Variants in ALK observed in about 807,000 individuals in gnomAD.
ALK encodes ALK receptor tyrosine kinase.
Under a neutral mutation model 163.1 loss-of-function variants are expected in ALK, and 74 were observed. The ratio of observed to expected loss-of-function variants is 0.45; its 90% CI spans 0.38 to 0.55. The LOEUF (loss-of-function observed/expected upper bound fraction) is 0.55, where lower values mean the gene tolerates loss of function less well. ALK is among the 20% of genes least tolerant of loss of function. The pLI is 0.00. For synonymous variants in ALK, 960 were observed against 843.2 expected, an observed-to-expected ratio of 1.14 and a Z score of -2.40; for missense variants, 2,063 against 2,105.3, an observed-to-expected ratio of 0.98 and a Z score of 0.39.
chr2:29,909,058 C>A (rs1444872302), intron 1 of ALK, among the ~76,000 whole-genome samples: 1 of 152,144 alleles, frequency 6.6e-6, no homozygotes, highest in Non-Finnish European at 1.5e-5. Context: ...TGCGCACCTC[C>A]CATGGAGATC....
At chr2:29,675,762 A>G (rs912283858) in intron 3 of ALK, among the ~76,000 whole-genome samples, 17 of 152,076 alleles carry the variant, frequency 1.1e-4, no homozygotes, top group African/African-American at 4.1e-4. Context: ...GCTGCTGTTC[A>G]TTGATTATTT....
chr2:29,328,306 C>T, intron 6 of ALK, 44 bp downstream of exon 6: 2 of 1,613,792 alleles, frequency 1.2e-6, no homozygotes, highest in Non-Finnish European at 1.7e-6. Context: ...GGGTTATGAG[C>T]ATGGGCTGGG....
chr2:29,292,759 T>C (rs574163707), intron 9 of ALK, among the ~76,000 whole-genome samples: 1 of 152,226 alleles, frequency 6.6e-6, no homozygotes, highest in Non-Finnish European at 1.5e-5. Flanking sequence ...GTTAACATAA[T>C]TCTGTAATGA....
chr2:29,289,501 GC>G (rs1331101810), intron 9 of ALK, among the ~76,000 whole-genome samples: 1 of 152,178 alleles, frequency 6.6e-6, no homozygotes, highest in Non-Finnish European at 1.5e-5. Flanking sequence ...AATGTCCCCA[GC>G]CCCTGTAGCT....
At chr2:29,918,250 A>G (rs976200923) in intron 1 of ALK, among the ~76,000 whole-genome samples, 3 of 152,206 alleles carry the variant, frequency 2.0e-5, no homozygotes, top group African/African-American at 7.2e-5. Context: ...GCTGGATTCT[A>G]TGGTCATTTG....
chr2:29,308,362 C>T (rs1479442671), intron 8 of ALK, among the ~76,000 whole-genome samples: 2 of 28,820 alleles, frequency 6.9e-5, no homozygotes, highest in East Asian at 6.5e-4. Flanking sequence ...TACTTTCCTG[C>T]ATTTTTCCTA....
At chr2:29,199,352 T>G (rs1669103224) in intron 26 of ALK, among the ~76,000 whole-genome samples, 1 of 152,232 alleles carries the variant, frequency 6.6e-6, no homozygotes, top group Non-Finnish European at 1.5e-5. Flanking sequence ...TCCTTTATTT[T>G]ATAGTTATAC....
At chr2:29,228,756 G>C (rs962830589) in intron 16 of ALK, 128 bp downstream of exon 16, 2 of 696,002 alleles carry the variant, frequency 2.9e-6, no homozygotes, top group Non-Finnish European at 5.3e-6. Flanking sequence ...TCGAGAGGGA[G>C]GCGTGCAGTC....
At chr2:29,430,935 C>T (rs1670257570) in intron 4 of ALK, among the ~76,000 whole-genome samples, 1 of 151,758 alleles carries the variant, frequency 6.6e-6, no homozygotes, top group Admixed American at 6.6e-5. Flanking sequence ...TCCAGATTGA[C>T]TGCAGCTGGG....
rs575548479 is a variant in ALK at position 29,594,063 on chromosome 2, G to A, written c.953-61947C>T. Among the ~76,000 whole-genome samples, 33 of 152,168 alleles carry A rather than the reference G, an allele frequency of 2.2e-4. No homozygotes were observed. In the South Asian group the frequency reaches 6.9e-3, roughly 32 times the overall value. On this transcript the variant is annotated intron_variant, in intron 3 of 28. Transcript: ENST00000389048. ...TTTTACTAGTATCTAGTGGGTAGAG[G>A]CCAGAGATTCTGCTAAACATCCTAT...
At chr2:29,550,852 T>A (rs1479485292) in intron 3 of ALK, among the ~76,000 whole-genome samples, 3 of 152,210 alleles carry the variant, frequency 2.0e-5, no homozygotes, top group Non-Finnish European at 4.4e-5. Context: ...CATAGGATTT[T>A]AAAAATTTAA....
chr2:29,573,877 G>A, intron 3 of ALK, among the ~76,000 whole-genome samples: 1 of 152,086 alleles, frequency 6.6e-6, no homozygotes, highest in Middle Eastern at 3.2e-3. Flanking sequence ...GGGCATGGGT[G>A]GGTGGTAAGA....
Position 29,343,377 on chromosome 2 carries a change from T to TAA in ALK, c.1283-14898_1283-14897dup, listed in dbSNP as rs36010663. Among the ~76,000 whole-genome samples the TAA allele has an allele frequency of 4.9e-3, 654 of 132,838 alleles. 7 individuals carry two copies. Among genetic ancestry groups the TAA allele is most frequent in the East Asian group, 0.02 (90 of 4,496 alleles). The allele number at this position is 132,838 out of a possible 152,430, so 87.1% of individuals were successfully genotyped here. A position where few individuals can be genotyped will look rare whatever the true frequency, so the allele number is the denominator to read the frequency against. On this transcript the variant is annotated intron_variant, in intron 5 of 28. Coordinates refer to ENST00000389048, the MANE Select transcript of ALK (RefSeq NM_004304.5). The stretch of plus-strand genomic sequence containing the variant: ...GTGTGTGTCACTGCATCTGGCTAAG[T>TAA]AAAAAAAAAAAAAAAAATTTAGAGA...
chr2:29,524,258 T>C (rs1324133828), intron 4 of ALK, among the ~76,000 whole-genome samples: 1 of 152,186 alleles, frequency 6.6e-6, no homozygotes, highest in East Asian at 1.9e-4. Flanking sequence ...TAAAAAGGTG[T>C]GCAACCCAAA....
At chr2:29,513,847 A>G (rs1486078342) in intron 4 of ALK, among the ~76,000 whole-genome samples, 1 of 139,286 alleles carries the variant, frequency 7.2e-6, no homozygotes, top group Non-Finnish European at 1.6e-5. Context: ...AAGGAAATGA[A>G]CAGACACTTC....
At chr2:29,352,065 G>A (rs1309092718) in intron 5 of ALK, among the ~76,000 whole-genome samples, 1 of 152,168 alleles carries the variant, frequency 6.6e-6, no homozygotes, top group Non-Finnish European at 1.5e-5. Context: ...GGAGGAGGGA[G>A]ATGCTGTATC....
At chr2:29,562,251 T>C (rs1364547887) in intron 3 of ALK, among the ~76,000 whole-genome samples, 1 of 152,248 alleles carries the variant, frequency 6.6e-6, no homozygotes, top group Non-Finnish European at 1.5e-5. Flanking sequence ...TGCTGCTCTC[T>C]AATGTCCATT....
intron 4 of ALK, among the ~76,000 whole-genome samples, chr2:29,426,527 A>G (rs913972888): frequency 2.6e-5 from 4 of 152,024 alleles, no homozygotes; most frequent in African/African-American, 4.8e-5. Context: ...TGAAAGAAAA[A>G]CTCTGTCAAT....
intron 1 of ALK, among the ~76,000 whole-genome samples, chr2:29,884,025 T>C (rs1044924992): frequency 3.3e-5 from 5 of 152,208 alleles, no homozygotes; most frequent in Non-Finnish European, 7.3e-5. Flanking sequence ...TTGTTCATAA[T>C]TGAGAGAAAT....
Sources: gnomAD v4.1 joint callset for allele counts (sites outside exome capture counted in the v4.1 genomes callset) on GRCh38, gnomAD v4.1.1 for gene constraint, MANE v1.5 for transcripts, NCBI Gene and HGNC (gene_info 2026-07-23, HGNC 2026-07-21) for gene names.